POT1: variants seen among roughly 807,000 people sequenced by gnomAD.
POT1 encodes the protein protection of telomeres 1, also known as protection of telomeres protein 1.
In POT1, 47 loss-of-function variants were observed where a neutral mutation model predicts 78.5. The ratio of observed to expected loss-of-function variants is 0.60; its 90% CI spans 0.47 to 0.76. POT1 has a LOEUF of 0.76. Among genes scored for constraint, POT1 ranks in the 30% least tolerant of loss-of-function variants. The probability of loss-of-function intolerance (pLI) is 0.00; values close to 1 mark genes in which losing one functional copy is unlikely to be tolerated. For synonymous variants in POT1, 259 were observed against 260.7 expected (o/e 0.99, Z 0.06); for missense variants, 646 against 749.9 (o/e 0.86, Z 1.62).
chr7:124,899,873 T>A (rs922529175), intron 3 of POT1, among the ~76,000 whole-genome samples: 7 of 152,130 alleles, frequency 4.6e-5, no homozygotes, highest in Non-Finnish European at 7.4e-5. Context: ...ATTCTAAACT[T>A]TTTTAAAAGA....
chr7:124,825,400 A>C lies in POT1; in HGVS notation c.1687-43T>G, dbSNP rs200917469. 376 of 1,191,784 alleles carry C rather than the reference A, an allele frequency of 3.2e-4. No homozygotes were observed. Among genetic ancestry groups the C allele is most frequent in the Non-Finnish European group, 4.2e-4 (349 of 825,516 alleles). 73.8% of individuals were successfully genotyped at this position (1,191,784 alleles called of 1,614,324 possible). A position where few individuals can be genotyped will look rare whatever the true frequency, so the allele number is the denominator to read the frequency against. On this transcript the variant is annotated intron_variant, in intron 17 of 18. Transcript: ENST00000357628. ...AGAGAAAAAAAAAGGAAATAATATT[A>C]ATCCTTTTTAATGTTATTATTAACA...
At chr7:124,858,067 G>A (rs1409184273) in intron 9 of POT1, among the ~76,000 whole-genome samples, 1 of 152,088 alleles carries the variant, frequency 6.6e-6, no homozygotes, top group Non-Finnish European at 1.5e-5. Context: ...GCTCTCCCCT[G>A]CCAGCACTGA....
At position 124,863,635 on chromosome 7, in the gene POT1, T is replaced by G; in HGVS notation, c.261A>C (p.Gln87His). 1 of 1,606,536 alleles carries G rather than the reference T, an allele frequency of 6.2e-7. No homozygotes were observed. Among genetic ancestry groups the G allele is most frequent in the Non-Finnish European group, 8.5e-7 (1 of 1,177,288 alleles). Residue 87 changes from glutamine (Q) to histidine (H), a missense_variant, in exon 8 of 19, where the codon CAA (glutamine) becomes CAC (histidine). Gln to His is a conservative substitution (Grantham distance 24). This residue lies in a region of POT1 where 252 missense variants were observed against 341.4 expected (regional missense o/e 0.74). Coordinates refer to ENST00000357628, the MANE Select transcript of POT1 (RefSeq NM_015450.3). ...DIVRFHRLKI[Q>H]VYKKETQGIT... ...TACCCTGAGTCTCCTTTTTATATAC[T>G]TGAATCTAAGAAAGTAGGGCAAAGT...
At chr7:124,869,270 C>T in intron 7 of POT1, among the ~76,000 whole-genome samples, 1 of 152,044 alleles carries the variant, frequency 6.6e-6, no homozygotes, top group Non-Finnish European at 1.5e-5. Context: ...GAAGGGGTAA[C>T]TATATGCTGT....
At chr7:124,928,100 T>C (rs570115483) in intron 2 of POT1, among the ~76,000 whole-genome samples, 2 of 152,292 alleles carry the variant, frequency 1.3e-5, no homozygotes, top group African/African-American at 4.8e-5. Flanking sequence ...AAAAATGCAA[T>C]GAATGTTAAC....
At position 124,827,235 on chromosome 7, in the gene POT1, T is replaced by C. The variant is rs776373931; in HGVS notation, c.1665A>G (p.Leu555=). ...TTACAGAATCCATGAGATAGGCTTC[T>C]AGTACTCCTGTTCCATCATCAAGTG... ...TFTLDDGTGV[L]EAYLMDSDKF... Residue 555 remains leucine, a synonymous_variant, in exon 17 of 19, where the codon CTA becomes CTG. Transcript: ENST00000357628. 8.9e-6 allele frequency: 14 copies of C among 1,573,502 alleles called. No homozygotes were observed. Among genetic ancestry groups the C allele is most frequent in the Non-Finnish European group, 2.6e-6 (3 of 1,149,922 alleles).
At position 124,829,235 on chromosome 7, in the gene POT1, G is replaced by C; in HGVS notation, c.1594+19C>G. On this transcript the variant is annotated intron_variant, in intron 16 of 18. Coordinates refer to ENST00000357628, the MANE Select transcript of POT1 (RefSeq NM_015450.3). ...GTAAACAAACAGTTAAAATTGCAGG[G>C]CATGGAAATTTAGCTAACCTTCTGC... The C allele has an allele frequency of 6.6e-7, 1 of 1,510,026 alleles. No individual in the cohort carries two copies. Among genetic ancestry groups the C allele is most frequent in the Non-Finnish European group, 9.2e-7 (1 of 1,088,506 alleles). The allele number at this position is 1,510,026 out of a possible 1,614,324, so 93.5% of individuals were successfully genotyped here. A position where few individuals can be genotyped will look rare whatever the true frequency, so the allele number is the denominator to read the frequency against.
chr7:124,884,640 A>G (rs1041326722), intron 6 of POT1, among the ~76,000 whole-genome samples: 1 of 152,120 alleles, frequency 6.6e-6, no homozygotes, highest in Non-Finnish European at 1.5e-5. Context: ...AAATTTGAGG[A>G]AAGAACAAAA....
At chr7:124,849,366 G>A (rs1445347005) in intron 11 of POT1, among the ~76,000 whole-genome samples, 2 of 152,068 alleles carry the variant, frequency 1.3e-5, no homozygotes. Context: ...GAGGAAGAGG[G>A]AATTAAAAAC....
intron 14 of POT1, among the ~76,000 whole-genome samples, chr7:124,840,100 A>G (rs1794990715): frequency 6.6e-6 from 1 of 151,854 alleles, no homozygotes; most frequent in Non-Finnish European, 1.5e-5. Flanking sequence ...AGCCTCCTCC[A>G]GTATCAACAT....
At chr7:124,912,486 A>G (rs1163288677) in intron 3 of POT1, among the ~76,000 whole-genome samples, 1 of 152,102 alleles carries the variant, frequency 6.6e-6, no homozygotes, top group Non-Finnish European at 1.5e-5. Flanking sequence ...TCACCACCAG[A>G]TAAATATATA....
chr7:124,836,313 C>T (rs1406320648), intron 14 of POT1, among the ~76,000 whole-genome samples: 1 of 152,200 alleles, frequency 6.6e-6, no homozygotes, highest in African/African-American at 2.4e-5. Flanking sequence ...GGCATTTTAA[C>T]TTGCCCTGTT....
chr7:124,925,493 C>T (rs534285138), intron 2 of POT1, among the ~76,000 whole-genome samples: 2 of 152,032 alleles, frequency 1.3e-5, no homozygotes, highest in Admixed American at 6.6e-5. Context: ...ATCCCATGCT[C>T]GTGGATCAGA....
In POT1 at chr7:124,850,646, C is replaced by T. The variant is rs577737671; in HGVS notation, c.949+1226G>A. ...ATTGGGAGGCTGAGGCAGGAGAATG[C>T]CCTGAACCCGGGAGGCGGAGCTTGC... On this transcript the variant is annotated intron_variant, in intron 11 of 18. Transcript: ENST00000357628. 1.5e-4 allele frequency among the ~76,000 whole-genome samples: 22 copies of T among 151,470 alleles called. No individual in the cohort carries two copies. In the South Asian group the frequency reaches 4.6e-3, roughly 32 times the overall value.
intron 3 of POT1, among the ~76,000 whole-genome samples, chr7:124,905,007 T>C (rs1057094559): frequency 2.0e-5 from 3 of 152,224 alleles, no homozygotes; most frequent in African/African-American, 7.2e-5. Flanking sequence ...CACAAACAAA[T>C]AGAAGAACAT....
At chr7:124,910,672 A>G (rs1796870898) in intron 3 of POT1, among the ~76,000 whole-genome samples, 3 of 152,132 alleles carry the variant, frequency 2.0e-5, no homozygotes, top group Admixed American at 2.0e-4. Flanking sequence ...AAAGGATAGG[A>G]AAAGAAACAG....
At chr7:124,906,345 T>C (rs1218545843) in intron 3 of POT1, among the ~76,000 whole-genome samples, 1 of 151,950 alleles carries the variant, frequency 6.6e-6, no homozygotes, top group Non-Finnish European at 1.5e-5. Flanking sequence ...TCTAAGGACA[T>C]GGATGAAGCT....
chr7:124,859,051 A>C lies in POT1; in HGVS notation c.608T>G (p.Leu203Arg), dbSNP rs1562990940. The change falls in exon 9 of 19, where the codon CTT becomes CGT. Residue 203 changes from leucine (L) to arginine (R), a missense_variant. Leu to Arg is a moderately radical substitution (Grantham distance 102). Coordinates refer to ENST00000357628, the MANE Select transcript of POT1 (RefSeq NM_015450.3). ...SWRVLIQDLV[L>R]EGDLSHIHRL... ...ATGGATGTGACTTAAATCACCTTCAAGAACAAGGTCTTGTATTAAGACTCT... is the reference window on the plus strand; with the variant it reads ...ATGGATGTGACTTAAATCACCTTCACGAACAAGGTCTTGTATTAAGACTCT... 6.2e-7 allele frequency: 1 copy of C among 1,611,340 alleles called. No homozygotes were observed. The highest frequency in any genetic ancestry group is 1.7e-4 in the Middle Eastern group (1 of 6,048).
Position 124,835,436 on chromosome 7 carries a change from C to T in POT1, c.1370-22G>A, listed in dbSNP as rs372268151. On this transcript the variant is annotated intron_variant, in intron 14 of 18. Coordinates refer to ENST00000357628, the MANE Select transcript of POT1 (RefSeq NM_015450.3). ...CCTCCTGTTAAGAGAATAAATAAAT[C>T]CTTCAAGTAGTGCAAATAAAATGTA... 20 of 1,606,156 alleles carry T rather than the reference C, an allele frequency of 1.2e-5. No individual in the cohort carries two copies. In the African/African-American group the frequency reaches 2.4e-4, roughly 19 times the overall value.
Sources: allele counts gnomAD v4.1 joint callset (sites outside exome capture counted in the v4.1 genomes callset), GRCh38; gene constraint gnomAD v4.1.1; regional missense constraint gnomAD v4.1.1; transcripts MANE v1.5; gene names NCBI Gene and HGNC (gene_info 2026-07-23, HGNC 2026-07-21).